Variants in GNB2 observed in about 807,000 individuals in gnomAD.
The protein encoded by GNB2 is guanine nucleotide-binding protein G(I)/G(S)/G(T) subunit beta-2.
GNB2 carries 7 observed loss-of-function variants against 40.7 expected under a neutral mutation model. That is an observed-to-expected ratio of 0.17 (90% CI 0.10 to 0.32). GNB2 has a LOEUF of 0.32. GNB2 is among the 10% of genes least tolerant of loss of function. The pLI is 1.00. For missense variants in GNB2, 286 were observed against 473.0 expected, an observed-to-expected ratio of 0.60 and a Z score of 3.67; for synonymous variants, 254 against 191.2, an observed-to-expected ratio of 1.33 and a Z score of -2.71.
At chr7:100,676,824 G>T (rs1176126497) in intron 4 of GNB2, 25 bp downstream of exon 4, 7 of 1,366,626 alleles carry the variant, frequency 5.1e-6, no homozygotes, top group Admixed American at 2.3e-5. Context: ...GCGGGCTGGC[G>T]CTGTGGGCCG....
chr7:100,673,887 C>T lies in GNB2; in HGVS notation c.-126C>T. ...GAGGAAGACAGCGCCGCCCGCGCAC[C>T]GCCAGCGACCTCCGCCGCAGAGTCC... On this transcript the variant is annotated 5_prime_UTR_variant, in exon 1 of 10. Transcript: ENST00000303210. 2 of 182,374 alleles carry T rather than the reference C, an allele frequency of 1.1e-5. No individual in the cohort carries two copies. The highest frequency in any genetic ancestry group is 2.2e-5 in the Non-Finnish European group (2 of 91,428). The allele number at this position is 182,374 out of a possible 1,614,324, so 11.3% of individuals were successfully genotyped here. A position where few individuals can be genotyped will look rare whatever the true frequency, so the allele number is the denominator to read the frequency against.
chr7:100,676,219 C>T lies in GNB2; in HGVS notation c.-47C>T, dbSNP rs1472889313. On this transcript the variant is annotated 5_prime_UTR_variant, in exon 2 of 10. Transcript: ENST00000303210. ...AGGAGCTGCCTCCCCCAGCCCCCGTCCCGCGGCCCCCAGCCGCCCCCAACC... is the reference window on the plus strand; with the variant it reads ...AGGAGCTGCCTCCCCCAGCCCCCGTTCCGCGGCCCCCAGCCGCCCCCAACC... 2 of 1,250,906 alleles carry T rather than the reference C, an allele frequency of 1.6e-6. No homozygotes were observed. Among genetic ancestry groups the T allele is most frequent in the Admixed American group, 2.1e-5 (1 of 47,830 alleles). The allele number at this position is 1,250,906 out of a possible 1,614,324, so 77.5% of individuals were successfully genotyped here. A position where few individuals can be genotyped will look rare whatever the true frequency, so the allele number is the denominator to read the frequency against.
chr7:100,677,341 T>G lies in GNB2; in HGVS notation c.204-11T>G. ...CCACCCTTCTGCTCTCCCTACACCG[T>G]TCCCCACCAGGCTGCTGGTCAGCGC... On this transcript the variant is annotated splice_polypyrimidine_tract_variant and intron_variant, in intron 4 of 9. Transcript: ENST00000303210. 1.9e-6 allele frequency: 3 copies of G among 1,612,000 alleles called. No homozygotes were observed. Among genetic ancestry groups the G allele is most frequent in the Non-Finnish European group, 2.5e-6 (3 of 1,178,164 alleles).
Position 100,678,979 on chromosome 7 carries a change from G to C in GNB2, c.*178G>C. ...GGCCCCCACTGTGGAGATAAGAAGG[G>C]GATGGAATGGGGGAAGAGGAGGAGC... On this transcript the variant is annotated 3_prime_UTR_variant, in exon 10 of 10. Coordinates refer to ENST00000303210, the MANE Select transcript of GNB2 (RefSeq NM_005273.4). 3.4e-6 allele frequency: 2 copies of C among 591,122 alleles called. No individual in the cohort carries two copies. Among genetic ancestry groups the C allele is most frequent in the South Asian group, 2.1e-5 (1 of 47,986 alleles). 36.6% of individuals were successfully genotyped at this position (591,122 alleles called of 1,614,324 possible). A position where few individuals can be genotyped will look rare whatever the true frequency, so the allele number is the denominator to read the frequency against.
rs542867104 is a variant in GNB2, at chr7:100,678,226, A to G, written c.626A>G (p.Lys209Arg). The change falls in exon 8 of 10, where the codon AAG (lysine) becomes AGG (arginine). Residue 209 changes from lysine (K) to arginine (R), a missense_variant. By Grantham distance (26) the Lys-to-Arg change is conservative. Transcript: ENST00000303210. ...TCAGGCGCCTGTGATGCCTCTATCA[A>G]GCTGTGGGACGTGCGGGATTCCATG... Reference protein sequence around the residue: ...FVSGACDASIKLWDVRDSMCR... With the variant: ...FVSGACDASIRLWDVRDSMCR... 1.2e-6 allele frequency: 2 copies of G among 1,614,046 alleles called. No individual in the cohort carries two copies. Among genetic ancestry groups the G allele is most frequent in the African/African-American group, 1.3e-5 (1 of 75,046 alleles).
At chr7:100,676,632 C>T in intron 3 of GNB2, 59 bp downstream of exon 3, 1 of 1,550,404 alleles carries the variant, frequency 6.4e-7, no homozygotes, top group Non-Finnish European at 8.9e-7. Context: ...GATCAGAGGC[C>T]GCTGCCCTCT....
At chr7:100,677,129 C>T in intron 4 of GNB2, 1 of 596,550 alleles carries the variant, frequency 1.7e-6, no homozygotes, top group East Asian at 2.8e-5. Context: ...GAAAAATGAG[C>T]TGGGTGTGGT....
intron 1 of GNB2, chr7:100,675,876 C>T (rs904319099): frequency 4.6e-6 from 1 of 217,362 alleles, no homozygotes; most frequent in Admixed American, 5.9e-5. Context: ...GACACCCCCG[C>T]CCCCCCCGCC....
intron 5 of GNB2, 22 bp downstream of exon 5, chr7:100,677,437 G>A (rs949328700): frequency 3.7e-6 from 6 of 1,613,298 alleles, no homozygotes; most frequent in East Asian, 2.2e-5. Flanking sequence ...CGGGCTGCGG[G>A]GTGGGGCAGG....
chr7:100,678,619 CAGCTGGGGCCCA>C lies in GNB2; in HGVS notation c.916+6_916+17del, dbSNP rs1804417624. On this transcript the variant is annotated splice_donor_region_variant and intron_variant, in intron 9 of 9. Transcript: ENST00000303210. ...CCATGAAGGGCGACCGTGCAGGTGA[CAGCTGGGGCCCA>C]GGCTGGGTGGGCAGGGACCTGGAGC... The C allele has an allele frequency of 2.1e-5, 34 of 1,612,136 alleles. No homozygotes were observed. The highest frequency in any genetic ancestry group is 2.6e-5 in the Non-Finnish European group (31 of 1,178,590).
At chr7:100,678,003 C>T in intron 7 of GNB2, 95 bp from the exon 8 acceptor site, 1 of 1,166,414 alleles carries the variant, frequency 8.6e-7, no homozygotes, top group South Asian at 1.3e-5. Flanking sequence ...CTGGACCCTT[C>T]CACAGGGTTG....
Position 100,677,875 on chromosome 7 carries a change from GCCA to G in GNB2, c.497+60_497+62del, listed in dbSNP as rs1393303797. The G allele has an allele frequency of 1.0e-5, 15 of 1,461,402 alleles. 1 individual carries two copies. Among genetic ancestry groups the G allele is most frequent in the African/African-American group, 8.3e-5 (6 of 71,874 alleles). The allele number at this position is 1,461,402 out of a possible 1,614,324, so 90.5% of individuals were successfully genotyped here. A position where few individuals can be genotyped will look rare whatever the true frequency, so the allele number is the denominator to read the frequency against. ...CAAACCCACACTTCCTGCCTCAGGGGCCACCGTCCCAGTGCTCAACATGCAGCA... is the reference window on the plus strand; with the variant it reads ...CAAACCCACACTTCCTGCCTCAGGGGCCGTCCCAGTGCTCAACATGCAGCA... On this transcript the variant is annotated intron_variant, in intron 7 of 9. Coordinates refer to ENST00000303210, the MANE Select transcript of GNB2 (RefSeq NM_005273.4).
chr7:100,679,004 C>G lies in GNB2; in HGVS notation c.*203C>G. On this transcript the variant is annotated 3_prime_UTR_variant, in exon 10 of 10. Transcript: ENST00000303210. ...GGATGGAATGGGGGAAGAGGAGGAG[C>G]AGGAGGCCCTCATCCTTCTGCTGCC... 1.8e-6 allele frequency: 1 copy of G among 569,594 alleles called. No homozygotes were observed. The highest frequency in any genetic ancestry group is 3.1e-6 in the Non-Finnish European group (1 of 318,304). 35.3% of individuals were successfully genotyped at this position (569,594 alleles called of 1,614,324 possible).
At chr7:100,675,009 C>T (rs1228735086) in intron 1 of GNB2, among the ~76,000 whole-genome samples, 2 of 152,126 alleles carry the variant, frequency 1.3e-5, no homozygotes, top group Admixed American at 6.5e-5. Flanking sequence ...GAGGAACGCC[C>T]TGCGCCTGGG....
intron 1 of GNB2, 142 bp downstream of exon 1, chr7:100,674,065 C>T (rs1804299579): frequency 6.5e-6 from 1 of 153,048 alleles, no homozygotes; most frequent in Admixed American, 6.5e-5. Flanking sequence ...CCCTCTTGCC[C>T]GGTCGCTCCC....
At chr7:100,674,514 C>G (rs1273546607) in intron 1 of GNB2, among the ~76,000 whole-genome samples, 1 of 151,962 alleles carries the variant, frequency 6.6e-6, no homozygotes, top group African/African-American at 2.4e-5. Flanking sequence ...GCGCCCGCCC[C>G]CCGCCCAGCT....
At chr7:100,675,023 AGTGGGAGCTGG>A (rs935005231) in intron 1 of GNB2, among the ~76,000 whole-genome samples, 1 of 150,896 alleles carries the variant, frequency 6.6e-6, no homozygotes, top group African/African-American at 2.4e-5. Flanking sequence ...GCCTGGGGGA[AGTGGGAGCTGG>A]GTGGGGGACG....
chr7:100,674,840 GC>G (rs1804315514), intron 1 of GNB2, among the ~76,000 whole-genome samples: 1 of 152,232 alleles, frequency 6.6e-6, no homozygotes, highest in Admixed American at 6.5e-5. Flanking sequence ...GTGCCGCCAG[GC>G]CTGGGCTGCT....
chr7:100,675,095 C>CG (rs1173926702), intron 1 of GNB2, among the ~76,000 whole-genome samples: 1 of 150,642 alleles, frequency 6.6e-6, no homozygotes, highest in Non-Finnish European at 1.5e-5. Flanking sequence ...AGGTGTCCCG[C>CG]GGGCGGGGAA....
Sources: allele counts gnomAD v4.1 joint callset (sites outside exome capture counted in the v4.1 genomes callset), GRCh38; gene constraint gnomAD v4.1.1; transcripts MANE v1.5; gene names NCBI Gene and HGNC (gene_info 2026-07-23, HGNC 2026-07-21).